Variants in SPOP observed in about 807,000 individuals in gnomAD.
The protein encoded by SPOP is speckle-type POZ protein.
A neutral mutation model predicts 45.6 loss-of-function variants in SPOP; 11 were observed. The ratio of observed to expected loss-of-function variants is 0.24; its 90% confidence interval spans 0.15 to 0.40. The LOEUF (loss-of-function observed/expected upper bound fraction) is 0.40, where lower values mean the gene tolerates loss of function less well. Among genes scored for constraint, SPOP ranks in the 10% least tolerant of loss-of-function variants. The probability of loss-of-function intolerance (pLI) is 1.00; values close to 1 mark genes in which losing one functional copy is unlikely to be tolerated. For missense variants in SPOP, 152 were observed against 465.6 expected, an observed-to-expected ratio of 0.33 and a Z score of 6.20; for synonymous variants, 166 against 166.3, an observed-to-expected ratio of 1.00 and a Z score of 0.01.
chr17:49,674,153 A>AAAAT (rs1243543439), intron 1 of SPOP, among the ~76,000 whole-genome samples: 4 of 152,314 alleles, frequency 2.6e-5, no homozygotes, highest in East Asian at 3.9e-4. Flanking sequence ...GTCTCAAAAA[A>AAAAT]AAATAAATAA....
chr17:49,610,072 T>C (rs570289299), intron 6 of SPOP, among the ~76,000 whole-genome samples: 159 of 152,222 alleles, frequency 1.0e-3, no homozygotes, highest in Non-Finnish European at 1.8e-3. Context: ...TTTAGGAGTT[T>C]GGAAGGAGTT....
At chr17:49,663,446 C>T (rs2073014721) in intron 1 of SPOP, among the ~76,000 whole-genome samples, 1 of 152,246 alleles carries the variant, frequency 6.6e-6, no homozygotes, top group Non-Finnish European at 1.5e-5. Context: ...TAAGTAATGA[C>T]ATCGAACTGT....
intron 1 of SPOP, among the ~76,000 whole-genome samples, chr17:49,635,191 T>A (rs2072520219): frequency 6.6e-6 from 1 of 152,208 alleles, no homozygotes; most frequent in African/African-American, 2.4e-5. Context: ...TATGTTAATG[T>A]TACAGTTCTA....
intron 1 of SPOP, among the ~76,000 whole-genome samples, chr17:49,628,381 T>A (rs751617355): frequency 1.3e-5 from 2 of 152,226 alleles, no homozygotes; most frequent in Admixed American, 1.3e-4. Context: ...ACGAAGGTAG[T>A]ATCAGCTAGC....
chr17:49,600,671 T>C lies in SPOP; in HGVS notation c.981-149A>G, dbSNP rs1016522376. On this transcript the variant is annotated intron_variant, in intron 9 of 9. Coordinates refer to ENST00000504102, the MANE Select transcript of SPOP (RefSeq NM_001007228.2). The surrounding 1 kb of genome is among the most constrained non-coding windows in gnomAD (Gnocchi z 4.2). Reference sequence around the variant, plus strand: ...ACCCTTAATATGCATAAGAATTTGCTTGTTAGACAATGAGCAGACTGGTGA... The same window carrying C: ...ACCCTTAATATGCATAAGAATTTGCCTGTTAGACAATGAGCAGACTGGTGA... 2 of 829,418 alleles carry C rather than the reference T, an allele frequency of 2.4e-6. No homozygotes were observed. Among genetic ancestry groups the C allele is most frequent in the Admixed American group, 2.7e-5 (1 of 36,796 alleles). The allele number at this position is 829,418 out of a possible 1,614,324, so 51.4% of individuals were successfully genotyped here.
chr17:49,628,715 C>G (rs114357236), intron 1 of SPOP, among the ~76,000 whole-genome samples: 1 of 152,294 alleles, frequency 6.6e-6, no homozygotes, highest in African/African-American at 2.4e-5. Flanking sequence ...ATCCAAAACA[C>G]TCTGGTCCCA....
intron 5 of SPOP, among the ~76,000 whole-genome samples, chr17:49,617,927 A>C (rs2072124318): frequency 6.6e-6 from 1 of 150,640 alleles, no homozygotes; most frequent in South Asian, 2.1e-4. Context: ...CCGTCTCAAA[A>C]AAAAAAAAAA....
At chr17:49,617,124 AC>A (rs1470119811) in intron 5 of SPOP, among the ~76,000 whole-genome samples, 2 of 152,148 alleles carry the variant, frequency 1.3e-5, no homozygotes, top group Non-Finnish European at 2.9e-5. Flanking sequence ...AAAAGGCTGG[AC>A]CCACTGTGGA....
chr17:49,611,375 T>A lies in SPOP; in HGVS notation c.563A>T (p.Asp188Val). Residue 188 changes from aspartate to valine, a missense_variant, in exon 6 of 10, where the codon GAT (aspartate) becomes GTT (valine). Transcript: ENST00000504102. ...ATTCTCCCACAGTCCTCCTAACTCA[T>A]CTGCCAGCCGGCACTCAGGAACCTT... ...MVKVPECRLA[D>V]ELGGLWENSR... is the part of the protein sequence containing the mutation. 6.2e-7 allele frequency: 1 copy of A among 1,614,192 alleles called. No individual in the cohort carries two copies. The highest frequency in any genetic ancestry group is 1.1e-5 in the South Asian group (1 of 91,076).
intron 1 of SPOP, among the ~76,000 whole-genome samples, chr17:49,641,622 CAA>C (rs1240762411): frequency 6.7e-6 from 1 of 148,390 alleles, no homozygotes. Context: ...GTCAAATTAA[CAA>C]AGTTTATTTT....
intron 1 of SPOP, among the ~76,000 whole-genome samples, chr17:49,657,289 G>A (rs1452668083): frequency 6.6e-6 from 1 of 152,016 alleles, no homozygotes; most frequent in Non-Finnish European, 1.5e-5. Flanking sequence ...AATATTTAAG[G>A]AATAATTAGG....
At chr17:49,645,069 G>C (rs1217511058) in intron 1 of SPOP, among the ~76,000 whole-genome samples, 1 of 151,708 alleles carries the variant, frequency 6.6e-6, no homozygotes, top group Non-Finnish European at 1.5e-5. Flanking sequence ...TGTGATATAG[G>C]AAAAAAAGCT....
chr17:49,639,164 T>G (rs988003504), intron 1 of SPOP, among the ~76,000 whole-genome samples: 22 of 151,936 alleles, frequency 1.4e-4, no homozygotes, highest in Non-Finnish European at 2.9e-5. Flanking sequence ...CTCTAACAAA[T>G]GAAAATAAAT....
At chr17:49,669,763 CA>C (rs3034924) in intron 1 of SPOP, among the ~76,000 whole-genome samples, 23 of 103,246 alleles carry the variant, frequency 2.2e-4, no homozygotes, top group African/African-American at 2.8e-4. Flanking sequence ...GACTCTGCCT[CA>C]AAAAAAAAAA....
chr17:49,612,028 G>A (rs1567773666), intron 5 of SPOP, among the ~76,000 whole-genome samples: 2 of 151,948 alleles, frequency 1.3e-5, no homozygotes, highest in African/African-American at 4.8e-5. Flanking sequence ...GACTACAGGC[G>A]CATGCCACTA....
Position 49,619,768 on chromosome 17 carries a change from G to A in SPOP, c.201-383C>T, listed in dbSNP as rs891789780. Among the ~76,000 whole-genome samples, 9 of 152,076 alleles carry A rather than the reference G, an allele frequency of 5.9e-5. No homozygotes were observed. The highest frequency in any genetic ancestry group is 2.1e-4 in the South Asian group (1 of 4,820). ...TTGAATGCTTGAGCTCAAGCGATCC[G>A]TCTGCCTCAGCCTCCCAGAGTGCTG... On this transcript the variant is annotated intron_variant, in intron 3 of 9. Transcript: ENST00000504102. The surrounding 1 kb of genome is among the most constrained non-coding windows in gnomAD (Gnocchi z 4.9).
At position 49,668,618 on chromosome 17, in the gene SPOP, G is replaced by A. The variant is rs1203228147; in HGVS notation, c.-67+9315C>T. On this transcript the variant is annotated intron_variant, in intron 1 of 9. Coordinates refer to ENST00000504102, the MANE Select transcript of SPOP (RefSeq NM_001007228.2). ...TTATTCACTAGAAAAAGTATCTGGG[G>A]GCAAATATAATAAAATGTTAAGATT... Among the ~76,000 whole-genome samples the A allele has an allele frequency of 2.0e-5, 3 of 151,654 alleles. No homozygotes were observed. The East Asian group carries it at 5.8e-4, about 29-fold the overall frequency.
At chr17:49,646,514 C>G (rs548960305) in intron 1 of SPOP, 1 of 147,650 alleles carries the variant, frequency 6.8e-6, no homozygotes, top group Admixed American at 6.8e-5. Flanking sequence ...CCTGGGTGAC[C>G]GTCTCAAAAA....
intron 1 of SPOP, among the ~76,000 whole-genome samples, chr17:49,640,036 G>C (rs2072616681): frequency 6.6e-6 from 1 of 152,082 alleles, no homozygotes; most frequent in Non-Finnish European, 1.5e-5. Flanking sequence ...GATCACTTGA[G>C]ATCAGGAGTT....
Sources: gnomAD v4.1 joint callset for allele counts (sites outside exome capture counted in the v4.1 genomes callset) on GRCh38, gnomAD v4.1.1 for gene constraint, Gnocchi (gnomAD v3.1) non-coding constraint, MANE v1.5 for transcripts, NCBI Gene and HGNC (gene_info 2026-07-23, HGNC 2026-07-21) for gene names.